FBXW7: variants seen among roughly 807,000 people sequenced by gnomAD.
The protein encoded by FBXW7 is F-box/WD repeat-containing protein 7.
FBXW7 carries 11 observed loss-of-function variants against 86.3 expected under a neutral mutation model. The observed-to-expected ratio is 0.13, with a 90% CI of 0.08 to 0.21. The LOEUF is 0.21. FBXW7 is among the 10% of genes least tolerant of loss of function. FBXW7 has a pLI of 1.00. For synonymous variants in FBXW7, 313 were observed against 297.9 expected, an observed-to-expected ratio of 1.05 and a Z score of -0.52; for missense variants, 488 against 847.4, an observed-to-expected ratio of 0.58 and a Z score of 5.27.
rs761487107 is a variant in FBXW7 at position 152,381,340 on chromosome 4, C to CT, written c.501+29962dup. ...TGTGTCAATTAAAAACAAAATAAAA[C>CT]TTTAAGAAACGCACAAAAAGATAGA... is the stretch of plus-strand genomic sequence containing the variant. On this transcript the variant is annotated intron_variant, in intron 4 of 13. Coordinates refer to ENST00000281708, the MANE Select transcript of FBXW7 (RefSeq NM_001349798.2). 1.1e-4 allele frequency among the ~76,000 whole-genome samples: 16 copies of CT among 151,998 alleles called. No homozygotes were observed. In the East Asian group the frequency reaches 3.1e-3, roughly 29 times the overall value.
At chr4:152,506,420 C>T (rs966909783) in intron 2 of FBXW7, among the ~76,000 whole-genome samples, 6 of 152,200 alleles carry the variant, frequency 3.9e-5, no homozygotes, top group East Asian at 1.9e-4. Flanking sequence ...CGTGAGCCAC[C>T]GCGCCCGGCC....
chr4:152,344,319 G>A (rs1731044263), intron 6 of FBXW7, among the ~76,000 whole-genome samples: 1 of 152,158 alleles, frequency 6.6e-6, no homozygotes, highest in Non-Finnish European at 1.5e-5. Flanking sequence ...GTACTCAAAA[G>A]ATGAAGGTCC....
chr4:152,324,508 C>G, intron 12 of FBXW7, 114 bp from the exon 13 acceptor site: 2 of 785,054 alleles, frequency 2.5e-6, no homozygotes, highest in Non-Finnish European at 4.1e-6. Context: ...ATGCCAGGAA[C>G]AAAATGAGGT....
chr4:152,491,519 C>A (rs1179052682), intron 2 of FBXW7, among the ~76,000 whole-genome samples: 2 of 151,960 alleles, frequency 1.3e-5, no homozygotes, highest in Non-Finnish European at 2.9e-5. Context: ...CCCCCATGGA[C>A]GTGACGTTTA....
At chr4:152,341,983 G>C (rs1730790200) in intron 6 of FBXW7, among the ~76,000 whole-genome samples, 1 of 152,036 alleles carries the variant, frequency 6.6e-6, no homozygotes, top group Admixed American at 6.5e-5. Flanking sequence ...ATCTGCAAAA[G>C]CAGAGTGTTG....
At position 152,322,962 on chromosome 4, in the gene FBXW7, C is replaced by T. The variant is rs371889487; in HGVS notation, c.2043G>A (p.Lys681=). ...VVWRIRASNT[K]LVCAVGSRNG... The stretch of plus-strand genomic sequence containing the variant: ...TCCGACTCCCAACTGCACACACCAG[C>T]TTTGTGTTTGAGGCTCTGATCCGCC... The change falls in exon 14 of 14, where the codon AAG becomes AAA. Residue 681 remains lysine, a synonymous_variant. Transcript: ENST00000281708. 53 of 1,613,706 alleles carry T rather than the reference C, an allele frequency of 3.3e-5. No homozygotes were observed. The highest frequency in any genetic ancestry group is 4.1e-5 in the Non-Finnish European group (48 of 1,179,844).
intron 2 of FBXW7, among the ~76,000 whole-genome samples, chr4:152,488,775 AAAC>A (rs763199221): frequency 1.1e-4 from 16 of 152,086 alleles, no homozygotes; most frequent in Non-Finnish European, 1.9e-4. Flanking sequence ...ATCTTCTATT[AAAC>A]AACTAAAGGA....
At chr4:152,511,746 T>C in intron 2 of FBXW7, among the ~76,000 whole-genome samples, 1 of 152,212 alleles carries the variant, frequency 6.6e-6, no homozygotes, top group East Asian at 1.9e-4. Flanking sequence ...CTCTAAGATC[T>C]ACTGTGAAAT....
chr4:152,341,500 G>A lies in FBXW7; in HGVS notation c.727-3564C>T, dbSNP rs1028194750. 5.3e-5 allele frequency among the ~76,000 whole-genome samples: 8 copies of A among 152,202 alleles called. No individual in the cohort carries two copies. In the East Asian group the frequency reaches 1.2e-3, roughly 22 times the overall value. ...TAGGTTTCAGGAAAAAGTGTTTTTT[G>A]TCTGTTTTATTCACTATTGCATACC... On this transcript the variant is annotated intron_variant, in intron 6 of 13. Transcript: ENST00000281708.
chr4:152,495,732 G>A (rs1746275878), intron 2 of FBXW7, among the ~76,000 whole-genome samples: 1 of 151,906 alleles, frequency 6.6e-6, no homozygotes, highest in African/African-American at 2.4e-5. Context: ...CCAAGGCCCA[G>A]GAAAAGCTGC....
intron 4 of FBXW7, among the ~76,000 whole-genome samples, chr4:152,391,292 A>G (rs1735974925): frequency 6.6e-6 from 1 of 152,104 alleles, no homozygotes; most frequent in Non-Finnish European, 1.5e-5. Context: ...AGTTGATACC[A>G]CTGGCCTTTT....
At chr4:152,357,330 T>C (rs1309603582) in intron 4 of FBXW7, among the ~76,000 whole-genome samples, 2 of 152,038 alleles carry the variant, frequency 1.3e-5, no homozygotes, top group Non-Finnish European at 2.9e-5. Context: ...TTTTTCTTTT[T>C]TTTTTTTAAA....
intron 4 of FBXW7, among the ~76,000 whole-genome samples, chr4:152,359,390 T>C (rs1303532673): frequency 1.3e-5 from 2 of 151,954 alleles, no homozygotes; most frequent in Non-Finnish European, 1.5e-5. Flanking sequence ...CATTTGAGGC[T>C]ACGAGTTCAA....
intron 2 of FBXW7, among the ~76,000 whole-genome samples, chr4:152,497,431 A>G (rs898849391): frequency 1.3e-5 from 2 of 151,974 alleles, no homozygotes; most frequent in Admixed American, 1.3e-4. Flanking sequence ...GATTATAAAA[A>G]GAATCACCAC....
chr4:152,458,967 C>T (rs537764991), intron 2 of FBXW7, among the ~76,000 whole-genome samples: 46 of 152,150 alleles, frequency 3.0e-4, no homozygotes, highest in Non-Finnish European at 5.4e-4. Flanking sequence ...CAATACAGCC[C>T]TAACACAGGT....
intron 2 of FBXW7, among the ~76,000 whole-genome samples, chr4:152,519,212 G>A (rs1748781440): frequency 6.6e-6 from 1 of 152,040 alleles, no homozygotes; most frequent in African/African-American, 2.4e-5. Context: ...GGAGGAGAAT[G>A]GCGTGAATCC....
rs977495566 is a variant in FBXW7, at chr4:152,321,197, T to C, written c.*1684A>G. Reference sequence around the variant, plus strand: ...CAAGATTTTGCTTATTTAAATATTATAGACAAATCCTAAATACTTATAATG... The same window carrying C: ...CAAGATTTTGCTTATTTAAATATTACAGACAAATCCTAAATACTTATAATG... On this transcript the variant is annotated 3_prime_UTR_variant, in exon 14 of 14. Coordinates refer to ENST00000281708, the MANE Select transcript of FBXW7 (RefSeq NM_001349798.2). 7 of 218,626 alleles carry C rather than the reference T, an allele frequency of 3.2e-5. No homozygotes were observed. The highest frequency in any genetic ancestry group is 9.0e-5 in the African/African-American group (4 of 44,522). The allele number at this position is 218,626 out of a possible 1,614,324, so 13.5% of individuals were successfully genotyped here. A position where few individuals can be genotyped will look rare whatever the true frequency, so the allele number is the denominator to read the frequency against.
chr4:152,351,577 G>C (rs147893625), intron 4 of FBXW7, among the ~76,000 whole-genome samples: 2 of 151,976 alleles, frequency 1.3e-5, no homozygotes, highest in Non-Finnish European at 2.9e-5. Flanking sequence ...ACGTGTTTCC[G>C]TGTATATAAT....
chr4:152,434,519 G>T (rs1740200913), intron 2 of FBXW7, among the ~76,000 whole-genome samples: 3 of 152,054 alleles, frequency 2.0e-5, no homozygotes, highest in African/African-American at 7.2e-5. Context: ...TAATAATACT[G>T]CATTGCCTTC....
Sources: allele counts gnomAD v4.1 joint callset (sites outside exome capture counted in the v4.1 genomes callset), GRCh38; gene constraint gnomAD v4.1.1; transcripts MANE v1.5; gene names NCBI Gene and HGNC (gene_info 2026-07-23, HGNC 2026-07-21).